Variants in STAT4 observed in about 807,000 individuals in gnomAD.
STAT4 encodes signal transducer and activator of transcription 4.
STAT4 carries 42 observed loss-of-function variants against 110.5 expected under a neutral mutation model. That is an observed-to-expected ratio of 0.38 (90% CI 0.30 to 0.49). The LOEUF is 0.49. Ranked by LOEUF, STAT4 falls within the 20% of genes least tolerant of loss-of-function variation. The pLI is 0.95. For missense variants in STAT4, 632 were observed against 887.9 expected (o/e 0.71, Z 3.66); for synonymous variants, 284 against 302.2 (o/e 0.94, Z 0.63).
At position 191,116,525 on chromosome 2, in the gene STAT4, T is replaced by G. The variant is rs1209481480; in HGVS notation, c.273+30088A>C. ...TACAATAAGTTAAAAGGAATAACCT[T>G]ATAGATTTAGAATTTTTTTAAAAGC... On this transcript the variant is annotated intron_variant, in intron 3 of 23. Transcript: ENST00000392320. The surrounding 1 kb of genome is among the most constrained non-coding windows in gnomAD (Gnocchi z 4.1). Among the ~76,000 whole-genome samples, 1 of 151,290 alleles carries G rather than the reference T, an allele frequency of 6.6e-6. No homozygotes were observed. Among genetic ancestry groups the G allele is most frequent in the Non-Finnish European group, 1.5e-5 (1 of 67,734 alleles).
chr2:191,124,636 G>A (rs541715063), intron 3 of STAT4, among the ~76,000 whole-genome samples: 1 of 152,120 alleles, frequency 6.6e-6, no homozygotes, highest in South Asian at 2.1e-4. Flanking sequence ...TGTAAATCAC[G>A]TAGAGTTTAT....
rs1255391542 is a variant in STAT4, at chr2:191,042,703, G to T, written c.1252-1555C>A. On this transcript the variant is annotated intron_variant, in intron 14 of 23. Transcript: ENST00000392320. This position sits in a 1 kb window ranked among gnomAD's most constrained non-coding sequence, Gnocchi z 4.2. ...AAAATGTATGTATAGGTGAAAAATA[G>T]GTTAAATAAGATAGGCAAAATATTA... 6.6e-6 allele frequency among the ~76,000 whole-genome samples: 1 copy of T among 152,040 alleles called. No homozygotes were observed. Among genetic ancestry groups the T allele is most frequent in the Non-Finnish European group, 1.5e-5 (1 of 68,028 alleles).
chr2:191,114,507 C>T (rs781100821), intron 3 of STAT4, among the ~76,000 whole-genome samples: 3 of 152,072 alleles, frequency 2.0e-5, no homozygotes, highest in Non-Finnish European at 2.9e-5. Flanking sequence ...CTATTCTCAC[C>T]TCCTCCGTTA....
At position 191,088,114 on chromosome 2, in the gene STAT4, G is replaced by A. The variant is rs1574143315; in HGVS notation, c.274-11789C>T. On this transcript the variant is annotated intron_variant, in intron 3 of 23. Transcript: ENST00000392320. ...GTAATAAAATTTTCTTTGTTCACAG[G>A]TGAATTGTCCACATGTGTCCATAGA... Among the ~76,000 whole-genome samples, 3 of 152,194 alleles carry A rather than the reference G, an allele frequency of 2.0e-5. No individual in the cohort carries two copies. In the South Asian group the frequency reaches 6.2e-4, roughly 32 times the overall value.
chr2:191,130,223 T>C (rs1237068708), intron 3 of STAT4, among the ~76,000 whole-genome samples: 4 of 26,358 alleles, frequency 1.5e-4, no homozygotes, highest in East Asian at 3.7e-3. Flanking sequence ...TATCTCCCTT[T>C]TTTTTTTTTT....
chr2:191,086,623 T>C lies in STAT4; in HGVS notation c.274-10298A>G, dbSNP rs975295452. ...TTATGTTCCAAAAGAAACTGTAGTA[T>C]ACTTGTTATCAGATTCTAGCCTTGT... On this transcript the variant is annotated intron_variant, in intron 3 of 23. Coordinates refer to ENST00000392320, the MANE Select transcript of STAT4 (RefSeq NM_003151.4). This position sits in a 1 kb window ranked among gnomAD's most constrained non-coding sequence, Gnocchi z 5.5. Among the ~76,000 whole-genome samples the C allele has an allele frequency of 6.6e-6, 1 of 152,180 alleles. No homozygotes were observed. The highest frequency in any genetic ancestry group is 1.5e-5 in the Non-Finnish European group (1 of 68,036).
chr2:191,141,423 CACAT>C (rs1384513705), intron 3 of STAT4, among the ~76,000 whole-genome samples: 77 of 43,088 alleles, frequency 1.8e-3, no homozygotes, highest in African/African-American at 5.8e-3. Flanking sequence ...ATATGTATAT[CACAT>C]ACATACATAT....
Position 191,036,279 on chromosome 2 carries a change from A to G in STAT4, c.1455T>C (p.Asn485=), listed in dbSNP as rs760702751. ...NDSQNLVFFN[N]PPPATLSQLL... Reference sequence around the variant, plus strand: ...GTTGACTCAATGTGGCAGGTGGAGGATTATTAAAGAAAACCAAGTTCTGAA... The same window carrying G: ...GTTGACTCAATGTGGCAGGTGGAGGGTTATTAAAGAAAACCAAGTTCTGAA... The change falls in exon 17 of 24, where the codon AAT becomes AAC. Residue 485 remains asparagine (N), a synonymous_variant. Coordinates refer to ENST00000392320, the MANE Select transcript of STAT4 (RefSeq NM_003151.4). 3 of 1,614,060 alleles carry G rather than the reference A, an allele frequency of 1.9e-6. No individual in the cohort carries two copies. The Middle Eastern group carries it at 4.9e-4, about 266-fold the overall frequency.
At chr2:191,096,140 C>G (rs962164191) in intron 3 of STAT4, among the ~76,000 whole-genome samples, 3 of 151,944 alleles carry the variant, frequency 2.0e-5, no homozygotes, top group African/African-American at 7.3e-5. Flanking sequence ...GCCTACCAAC[C>G]AAAAAAAGCC....
intron 13 of STAT4, among the ~76,000 whole-genome samples, chr2:191,056,903 C>G (rs1331003033): frequency 6.6e-6 from 1 of 151,648 alleles, no homozygotes; most frequent in African/African-American, 2.4e-5. Flanking sequence ...CTCCCTCAGC[C>G]TCCTGAGTAG....
At position 191,064,870 on chromosome 2, in the gene STAT4, C is replaced by T. The variant is rs61756200; in HGVS notation, c.719G>A (p.Arg240Gln). 2.3e-3 allele frequency: 3,652 copies of T among 1,613,314 alleles called. 5 individuals carry two copies. The highest frequency in any genetic ancestry group is 2.9e-3 in the Non-Finnish European group (3,418 of 1,179,644). The change falls in exon 8 of 24, where the codon CGG becomes CAG. Residue 240 changes from arginine (R) to glutamine (Q), a missense_variant. Transcript: ENST00000392320. ...MLIEELQDWK[R>Q]RQQIACIGGP... ...CCCGATGCAGGCGATTTGCTGCCGCCGCTTCCAGTCTTGCAGCTCTTCTAT... is the reference window on the plus strand; with the variant it reads ...CCCGATGCAGGCGATTTGCTGCCGCTGCTTCCAGTCTTGCAGCTCTTCTAT...
chr2:191,036,321 A>G, intron 16 of STAT4, 22 bp from the exon 17 acceptor site: 2 of 1,613,190 alleles, frequency 1.2e-6, no homozygotes, highest in Non-Finnish European at 1.7e-6. Context: ...TCAAGATGAT[A>G]ATTTGTTAAT....
rs1167109345 is a variant in STAT4, at chr2:191,033,176, T to C, written c.1853-27A>G. ...TTGAAAAACAGAAATTGGAGAAATA[T>C]ACAGGTTCCTGTACACATTCCTTGT... On this transcript the variant is annotated intron_variant, in intron 20 of 23. Coordinates refer to ENST00000392320, the MANE Select transcript of STAT4 (RefSeq NM_003151.4). This position sits in a 1 kb window ranked among gnomAD's most constrained non-coding sequence, Gnocchi z 6.9. 1 of 1,606,684 alleles carries C rather than the reference T, an allele frequency of 6.2e-7. No individual in the cohort carries two copies. Among genetic ancestry groups the C allele is most frequent in the Admixed American group, 1.7e-5 (1 of 59,390 alleles).
chr2:191,058,286 G>C lies in STAT4; in HGVS notation c.1095-67C>G. ...GATCTAGGAATAACTTTCTATGATA[G>C]TTTATTTTATTTATTTATTTATTTA... On this transcript the variant is annotated intron_variant, in intron 11 of 23. Coordinates refer to ENST00000392320, the MANE Select transcript of STAT4 (RefSeq NM_003151.4). This position sits in a 1 kb window ranked among gnomAD's most constrained non-coding sequence, Gnocchi z 4.3. 3 of 1,421,300 alleles carry C rather than the reference G, an allele frequency of 2.1e-6. No homozygotes were observed. Among genetic ancestry groups the C allele is most frequent in the Non-Finnish European group, 1.9e-6 (2 of 1,036,070 alleles). The allele number at this position is 1,421,300 out of a possible 1,614,324, so 88.0% of individuals were successfully genotyped here.
In STAT4 at chr2:191,060,219, T is replaced by C. The variant is rs1696810864; in HGVS notation, c.1035-1450A>G. 6.6e-6 allele frequency among the ~76,000 whole-genome samples: 1 copy of C among 152,082 alleles called. No homozygotes were observed. Among genetic ancestry groups the C allele is most frequent in the South Asian group, 2.1e-4 (1 of 4,830 alleles). Reference sequence around the variant, plus strand: ...CCTCTTCCACTTAGAATTTTTTTGCTAGGCAATCCCTACTCATCTCCCCTT... The same window carrying C: ...CCTCTTCCACTTAGAATTTTTTTGCCAGGCAATCCCTACTCATCTCCCCTT... On this transcript the variant is annotated intron_variant, in intron 10 of 23. Transcript: ENST00000392320. The surrounding 1 kb of genome is among the most constrained non-coding windows in gnomAD (Gnocchi z 4.5).
In STAT4 at chr2:191,037,159, G is replaced by T. The variant is rs1321205013; in HGVS notation, c.1435-860C>A. Among the ~76,000 whole-genome samples the T allele has an allele frequency of 6.6e-6, 1 of 152,032 alleles. No homozygotes were observed. The highest frequency in any genetic ancestry group is 1.5e-5 in the Non-Finnish European group (1 of 68,022). On this transcript the variant is annotated intron_variant, in intron 16 of 23. Transcript: ENST00000392320. This position sits in a 1 kb window ranked among gnomAD's most constrained non-coding sequence, Gnocchi z 4.8. ...TATCATATTATTTAATTGGTTTATC[G>T]TGGGGTTGGCACAAATTTTACCTTG... is the stretch of plus-strand genomic sequence containing the variant.
chr2:191,065,039 G>T, intron 7 of STAT4, 81 bp from the exon 8 acceptor site: 2 of 1,355,682 alleles, frequency 1.5e-6, no homozygotes, highest in East Asian at 2.7e-5. Context: ...TATTTGACCT[G>T]GTAGACAAAG....
At chr2:191,064,727 C>T in intron 8 of STAT4, 80 bp downstream of exon 8, 1 of 1,527,212 alleles carries the variant, frequency 6.5e-7, no homozygotes, top group Non-Finnish European at 8.8e-7. Context: ...GCAGTCTAAA[C>T]CTGCGTTCTC....
At chr2:191,093,101 CCCA>C (rs1697849634) in intron 3 of STAT4, among the ~76,000 whole-genome samples, 2 of 152,160 alleles carry the variant, frequency 1.3e-5, no homozygotes, top group African/African-American at 4.8e-5. Flanking sequence ...CTCTGTAGAC[CCCA>C]TCTCTGGGGG....
Sources: allele counts gnomAD v4.1 joint callset (sites outside exome capture counted in the v4.1 genomes callset), GRCh38; gene constraint gnomAD v4.1.1; non-coding constraint Gnocchi (gnomAD v3.1); transcripts MANE v1.5; gene names NCBI Gene and HGNC (gene_info 2026-07-23, HGNC 2026-07-21).